SCFD2: variants seen among roughly 807,000 people sequenced by gnomAD.
The protein encoded by SCFD2 is sec1 family domain-containing protein 2.
A neutral mutation model predicts 58.9 loss-of-function variants in SCFD2; 54 were observed. That is an observed-to-expected ratio of 0.92 (90% CI 0.74 to 1.15). The LOEUF is 1.15. Ranked by LOEUF, SCFD2 falls within the 50% of genes most tolerant of loss-of-function variation. The probability of loss-of-function intolerance (pLI) is 0.00; values close to 1 mark genes in which losing one functional copy is unlikely to be tolerated. For synonymous variants in SCFD2, 321 were observed against 335.9 expected, an observed-to-expected ratio of 0.96 and a Z score of 0.49; for missense variants, 805 against 836.6, an observed-to-expected ratio of 0.96 and a Z score of 0.47.
At chr4:53,207,533 T>TA (rs1164619189) in intron 4 of SCFD2, among the ~76,000 whole-genome samples, 2 of 13,022 alleles carry the variant, frequency 1.5e-4, no homozygotes, top group Admixed American at 3.0e-3. Flanking sequence ...ATAATATTTA[T>TA]ATATTATATA....
intron 3 of SCFD2, among the ~76,000 whole-genome samples, chr4:53,300,196 G>C (rs1216069796): frequency 1.3e-5 from 2 of 152,094 alleles, no homozygotes; most frequent in African/African-American, 4.8e-5. Flanking sequence ...GCTGTATTCA[G>C]GAAACCCATC....
At chr4:52,948,773 A>G in intron 5 of SCFD2, 1 of 239,696 alleles carries the variant, frequency 4.2e-6, no homozygotes, top group Non-Finnish European at 8.5e-6. Context: ...GGGGGTGGAC[A>G]GGCTAGATTT....
chr4:52,994,855 C>A (rs1045394496), intron 5 of SCFD2, among the ~76,000 whole-genome samples: 9 of 151,874 alleles, frequency 5.9e-5, no homozygotes, highest in African/African-American at 2.2e-4. Context: ...CCATCATCAT[C>A]GTCATAAAAA....
At chr4:52,975,616 A>G (rs562380465) in intron 5 of SCFD2, among the ~76,000 whole-genome samples, 2 of 152,296 alleles carry the variant, frequency 1.3e-5, no homozygotes, top group South Asian at 2.1e-4. Flanking sequence ...TCAGTGTGGC[A>G]ATTCCTCAGG....
At chr4:53,273,027 GGGAAAGAA>G (rs1278025267) in intron 4 of SCFD2, among the ~76,000 whole-genome samples, 1 of 151,924 alleles carries the variant, frequency 6.6e-6, no homozygotes, top group Admixed American at 6.6e-5. Context: ...ATTATCTCTA[GGGAAAGAA>G]AAAGGAAAAT....
At position 53,020,748 on chromosome 4, in the gene SCFD2, C is replaced by A. The variant is rs138663917; in HGVS notation, c.1562-99878G>T. ...ACAAATGAAATACACCACCGCCACA[C>A]AGGGCAGATAAAGACTTCCCATATA... On this transcript the variant is annotated intron_variant, in intron 5 of 8. Coordinates refer to ENST00000401642, the MANE Select transcript of SCFD2 (RefSeq NM_152540.4). Among the ~76,000 whole-genome samples the A allele has an allele frequency of 7.9e-5, 12 of 152,300 alleles. No homozygotes were observed. In the East Asian group the frequency reaches 2.1e-3, roughly 27 times the overall value.
intron 6 of SCFD2, 73 bp downstream of exon 6, chr4:52,920,652 C>G (rs1719711484): frequency 1.8e-6 from 2 of 1,130,650 alleles, no homozygotes; most frequent in Non-Finnish European, 2.4e-6. Flanking sequence ...TAAAAGGGAA[C>G]CTTTTCTTCT....
intron 5 of SCFD2, among the ~76,000 whole-genome samples, chr4:52,959,468 C>A (rs367622187): frequency 6.8e-4 from 104 of 152,226 alleles, no homozygotes; most frequent in African/African-American, 2.4e-3. Context: ...AGTCTGAGAA[C>A]CCCGTGTACA....
In SCFD2 at chr4:52,885,870, C is replaced by A. The variant is rs1289432484; in HGVS notation, c.1843-4G>T. 1 of 1,613,858 alleles carries A rather than the reference C, an allele frequency of 6.2e-7. No individual in the cohort carries two copies. The highest frequency in any genetic ancestry group is 1.7e-5 in the Admixed American group (1 of 60,010). ...CACTAGGATGAGGCCGGCTCACCTG[C>A]AAAACAAAACACCAGCAATATCAGA... On this transcript the variant is annotated splice_region_variant and splice_polypyrimidine_tract_variant and intron_variant, in intron 7 of 8. Coordinates refer to ENST00000401642, the MANE Select transcript of SCFD2 (RefSeq NM_152540.4).
intron 4 of SCFD2, among the ~76,000 whole-genome samples, chr4:53,152,007 A>G (rs1164999143): frequency 6.6e-6 from 1 of 152,188 alleles, no homozygotes; most frequent in African/African-American, 2.4e-5. Context: ...GCACCAAGCT[A>G]TTAATGAGGG....
intron 3 of SCFD2, among the ~76,000 whole-genome samples, chr4:53,288,755 A>G (rs533493773): frequency 1.3e-4 from 20 of 152,294 alleles, no homozygotes; most frequent in African/African-American, 4.1e-4. Context: ...AATGCTTAGG[A>G]AAGTTCTTCA....
chr4:52,972,318 G>A, intron 5 of SCFD2, among the ~76,000 whole-genome samples: 1 of 152,114 alleles, frequency 6.6e-6, no homozygotes, highest in Non-Finnish European at 1.5e-5. Flanking sequence ...AGGGATGGAG[G>A]AAGATCTACC....
chr4:53,255,921 C>A (rs1478777835), intron 4 of SCFD2, among the ~76,000 whole-genome samples: 1 of 149,354 alleles, frequency 6.7e-6, no homozygotes, highest in African/African-American at 2.5e-5. Flanking sequence ...GGCGGCCGGG[C>A]AGAGGCGCCC....
intron 5 of SCFD2, among the ~76,000 whole-genome samples, chr4:53,115,169 C>CAAAAG (rs1725285802): frequency 6.6e-6 from 1 of 152,012 alleles, no homozygotes; most frequent in East Asian, 1.9e-4. Context: ...GTGGTCTACA[C>CAAAAG]ACACAAAAGA....
At chr4:52,895,426 G>GT (rs1718982595) in intron 7 of SCFD2, among the ~76,000 whole-genome samples, 2 of 152,070 alleles carry the variant, frequency 1.3e-5, no homozygotes, top group African/African-American at 4.8e-5. Context: ...GCGGTGTTTG[G>GT]TTTTTTGCCT....
At chr4:53,000,823 A>G (rs1721847271) in intron 5 of SCFD2, among the ~76,000 whole-genome samples, 1 of 152,216 alleles carries the variant, frequency 6.6e-6, no homozygotes, top group South Asian at 2.1e-4. Flanking sequence ...GACAGGAGGC[A>G]GAGCTCAGGC....
At chr4:53,283,652 T>A (rs1207111411) in intron 3 of SCFD2, among the ~76,000 whole-genome samples, 1 of 151,992 alleles carries the variant, frequency 6.6e-6, no homozygotes, top group East Asian at 2.0e-4. Flanking sequence ...CACTGCAACC[T>A]CTGCCTCCCA....
intron 2 of SCFD2, among the ~76,000 whole-genome samples, chr4:53,339,347 T>C (rs778203716): frequency 3.6e-4 from 54 of 150,472 alleles, no homozygotes; most frequent in Non-Finnish European, 5.6e-4. Flanking sequence ...ACATATTATA[T>C]GTAAATGTAT....
In SCFD2 at chr4:53,038,626, G is replaced by A. The variant is rs1199925741; in HGVS notation, c.1561+106707C>T. On this transcript the variant is annotated intron_variant, in intron 5 of 8. Coordinates refer to ENST00000401642, the MANE Select transcript of SCFD2 (RefSeq NM_152540.4). ...ATTTTACTCTAAGTATAAAACGATA[G>A]GGAGAAAGAACATGGAAAATAAAAT... 3.3e-5 allele frequency among the ~76,000 whole-genome samples: 5 copies of A among 151,824 alleles called. No individual in the cohort carries two copies. In the South Asian group the frequency reaches 1.0e-3, roughly 32 times the overall value.
Sources: allele counts gnomAD v4.1 joint callset (sites outside exome capture counted in the v4.1 genomes callset), GRCh38; gene constraint gnomAD v4.1.1; transcripts MANE v1.5; gene names NCBI Gene and HGNC (gene_info 2026-07-23, HGNC 2026-07-21).